The following CD33 variants were observed in gnomAD, a reference collection of about 807,000 sequenced individuals.
CD33 encodes the protein CD33 molecule.
CD33 carries 25 observed loss-of-function variants against 31.4 expected under a neutral mutation model. The ratio of observed to expected loss-of-function variants is 0.80; its 90% CI spans 0.58 to 1.11. The LOEUF is 1.11. Among genes scored for constraint, CD33 ranks in the 50% most tolerant of loss-of-function variants. The pLI, the probability that CD33 is intolerant of heterozygous loss-of-function variation, is 0.00. For missense variants in CD33, 407 were observed against 448.1 expected, an observed-to-expected ratio of 0.91 and a Z score of 0.83; for synonymous variants, 176 against 180.6, an observed-to-expected ratio of 0.97 and a Z score of 0.20.
intron 2 of CD33, 42 bp from the exon 3 acceptor site, chr19:51,225,761 A>G: frequency 6.3e-7 from 1 of 1,580,574 alleles, no homozygotes; most frequent in Non-Finnish European, 8.6e-7. Context: ...CCTCACCTGG[A>G]CCCTCCCTCC....
chr19:51,211,100 G>T, the CD33 span: 1 of 1,558,894 alleles, frequency 6.4e-7, no homozygotes. Flanking sequence ...GGAAGCCTCT[G>T]CCTCAGACAT....
At chr19:51,215,393 C>G in the CD33 span, among the ~76,000 whole-genome samples, 2 of 152,136 alleles carry the variant, frequency 1.3e-5, no homozygotes, top group Non-Finnish European at 2.9e-5. Context: ...TCTATCAGCC[C>G]CTTTGCAGCG....
At chr19:51,231,483 C>T (rs1981406991) in intron 4 of CD33, among the ~76,000 whole-genome samples, 1 of 152,174 alleles carries the variant, frequency 6.6e-6, no homozygotes, top group Non-Finnish European at 1.5e-5. Flanking sequence ...CAATTTAATC[C>T]ATTTACATAC....
At chr19:51,213,611 A>G in the CD33 span, among the ~76,000 whole-genome samples, 6 of 151,746 alleles carry the variant, frequency 4.0e-5, no homozygotes, top group South Asian at 1.2e-3. Flanking sequence ...ATCTCAGTCC[A>G]CTGCAACCTC....
At chr19:51,236,777 G>A (rs527888222) in intron 6 of CD33, 4 of 152,344 alleles carry the variant, frequency 2.6e-5, no homozygotes, top group African/African-American at 9.6e-5. Flanking sequence ...ATGCATGTCT[G>A]AGCTTCCTCT....
chr19:51,220,701 T>C (rs1353866703), upstream of CD33, among the ~76,000 whole-genome samples: 1 of 152,192 alleles, frequency 6.6e-6, no homozygotes, highest in Non-Finnish European at 1.5e-5. Context: ...CCAGTTTTCT[T>C]TGGGGGTCAT....
At chr19:51,222,865 A>G (rs1980750106), upstream of CD33, among the ~76,000 whole-genome samples, 1 of 152,168 alleles carries the variant, frequency 6.6e-6, no homozygotes, top group South Asian at 2.1e-4. Flanking sequence ...ACACAGTAAG[A>G]CTCACATATT....
intron 4 of CD33, among the ~76,000 whole-genome samples, chr19:51,227,030 T>G (rs1323632747): frequency 6.6e-6 from 1 of 152,066 alleles, no homozygotes; most frequent in Non-Finnish European, 1.5e-5. Context: ...TCAATCTATG[T>G]TATAGTGAAT....
At chr19:51,224,821 A>G (rs1034335698), upstream of CD33, among the ~76,000 whole-genome samples, 4 of 152,108 alleles carry the variant, frequency 2.6e-5, no homozygotes, top group African/African-American at 9.7e-5. Context: ...TGGGGTTCGC[A>G]TGTCTCAGAT....
the CD33 span, among the ~76,000 whole-genome samples, chr19:51,220,050 A>G: frequency 6.6e-6 from 1 of 152,212 alleles, no homozygotes; most frequent in South Asian, 2.1e-4. Context: ...AGAATGAGTC[A>G]GAGAGGATTC....
At chr19:51,214,387 A>G in the CD33 span, among the ~76,000 whole-genome samples, 74 of 151,218 alleles carry the variant, frequency 4.9e-4, no homozygotes, top group East Asian at 7.9e-4. Flanking sequence ...TAGTAGAGAC[A>G]GGGTTTCACC....
intron 4 of CD33, among the ~76,000 whole-genome samples, chr19:51,229,698 T>C (rs954244268): frequency 6.6e-6 from 1 of 152,128 alleles, no homozygotes; most frequent in African/African-American, 2.4e-5. Flanking sequence ...CATAGTAGTG[T>C]CTAAGATCCT....
intron 3 of CD33, 66 bp from the exon 4 acceptor site, chr19:51,226,242 AG>A (rs1448123269): frequency 5.8e-6 from 9 of 1,543,592 alleles, no homozygotes; most frequent in Non-Finnish European, 8.1e-6. Flanking sequence ...GGCAGGAGTA[AG>A]GGGAAATGCC....
Position 51,225,335 on chromosome 19 carries a change from A to G in CD33, c.155A>G (p.Lys52Arg), listed in dbSNP as rs151296203. The change falls in exon 2 of 7, where the codon AAG becomes AGG. Residue 52 changes from lysine (K) to arginine (R), a missense_variant. Lys to Arg is a conservative substitution (Grantham distance 26). Coordinates refer to ENST00000262262, the MANE Select transcript of CD33 (RefSeq NM_001772.4). ...TFFHPIPYYDKNSPVHGYWFR... is the reference protein window; with the variant it reads ...TFFHPIPYYDRNSPVHGYWFR... ...TTCCATCCCATACCCTACTACGACAAGAACTCCCCAGTTCATGGTTACTGG... is the reference window on the plus strand; with the variant it reads ...TTCCATCCCATACCCTACTACGACAGGAACTCCCCAGTTCATGGTTACTGG... 1.7e-5 allele frequency: 27 copies of G among 1,614,186 alleles called. No individual in the cohort carries two copies. In the African/African-American group the frequency reaches 3.1e-4, roughly 18 times the overall value.
At chr19:51,214,202 T>A in the CD33 span, among the ~76,000 whole-genome samples, 3 of 109,714 alleles carry the variant, frequency 2.7e-5, no homozygotes, top group South Asian at 5.1e-4. Flanking sequence ...CTTTTCTTTC[T>A]TTTTTTTTTT....
At position 51,225,481 on chromosome 19, in the gene CD33, T is replaced by G. The variant is rs1980933271; in HGVS notation, c.301T>G (p.Cys101Gly). Residue 101 changes from cysteine to glycine, a missense_variant, in exon 2 of 7, where the codon TGC (cysteine) becomes GGC (glycine). By Grantham distance (159) the Cys-to-Gly change is radical (BLOSUM62 -3). Transcript: ENST00000262262. ...CCTTGGGGATCCCAGTAGGAACAAC[T>G]GCTCCCTGAGCATCGTAGACGCCAG... ...RLLGDPSRNN[C>G]SLSIVDARRR... 6.2e-7 allele frequency: 1 copy of G among 1,613,868 alleles called. No homozygotes were observed. Among genetic ancestry groups the G allele is most frequent in the African/African-American group, 1.3e-5 (1 of 75,056 alleles).
chr19:51,221,177 T>C (rs1980671584), upstream of CD33, among the ~76,000 whole-genome samples: 2 of 152,226 alleles, frequency 1.3e-5, no homozygotes, highest in African/African-American at 4.8e-5. Context: ...AGCACCACAT[T>C]TCTTGCACAG....
Position 51,225,828 on chromosome 19 carries a change from C to T in CD33, c.444C>T (p.Leu148=), listed in dbSNP as rs767772786. The change falls in exon 3 of 7, where the codon CTC becomes CTT. Residue 148 remains leucine (L), a synonymous_variant. Coordinates refer to ENST00000262262, the MANE Select transcript of CD33 (RefSeq NM_001772.4). ...VTDLTHRPKI[L]IPGTLEPGHS... is the part of the protein sequence containing the mutation. ...ACTTGACCCACAGGCCCAAAATCCT[C>T]ATCCCTGGCACTCTAGAACCCGGCC... 2 of 1,613,944 alleles carry T rather than the reference C, an allele frequency of 1.2e-6. No individual in the cohort carries two copies. The highest frequency in any genetic ancestry group is 1.7e-6 in the Non-Finnish European group (2 of 1,179,924).
At chr19:51,235,892 T>C (rs1981752748) in intron 6 of CD33, 1 of 704,162 alleles carries the variant, frequency 1.4e-6, no homozygotes, top group South Asian at 1.5e-5. Flanking sequence ...GGCACAGTGT[T>C]TCACACCTGC....
Sources: allele counts gnomAD v4.1 joint callset (sites outside exome capture counted in the v4.1 genomes callset), GRCh38; gene constraint gnomAD v4.1.1; transcripts MANE v1.5; gene names NCBI Gene and HGNC (gene_info 2026-07-23, HGNC 2026-07-21).